Variants in LRTM3 observed in about 807,000 individuals in gnomAD.
LRTM3 encodes leucine-rich repeat transmembrane protein 3.
At chr13:102,753,707 A>C in the LRTM3 span, among the ~76,000 whole-genome samples, 1 of 152,158 alleles carries the variant, frequency 6.6e-6, no homozygotes, top group Non-Finnish European at 1.5e-5. Context: ...GACTGTATAC[A>C]CATCTTTGTT....
chr13:102,757,817 A>G, the LRTM3 span, among the ~76,000 whole-genome samples: 1 of 152,240 alleles, frequency 6.6e-6, no homozygotes, highest in Admixed American at 6.5e-5. Flanking sequence ...CTCCACAAGA[A>G]TATAAGCTTC....
the LRTM3 span, chr13:102,740,941 T>C: frequency 6.5e-7 from 1 of 1,550,108 alleles, no homozygotes. Flanking sequence ...CTTTTCTTCC[T>C]TTAATATTCA....
At chr13:102,738,601 G>A in the LRTM3 span, 1 of 1,549,852 alleles carries the variant, frequency 6.5e-7, no homozygotes, top group Non-Finnish European at 8.7e-7. Flanking sequence ...TAGATTCTAG[G>A]GCCTTTTTTA....
the LRTM3 span, chr13:102,730,516 T>C: frequency 1.3e-6 from 2 of 1,551,704 alleles, no homozygotes; most frequent in Non-Finnish European, 1.7e-6. Flanking sequence ...GTTTGTTTTT[T>C]TCTGGAGTCA....
the LRTM3 span, chr13:102,746,073 C>T: frequency 1.9e-6 from 3 of 1,551,094 alleles, no homozygotes; most frequent in Non-Finnish European, 2.6e-6. Flanking sequence ...GTTTCGTTGG[C>T]TTTTTGTAGT....
chr13:102,740,730 C>G, the LRTM3 span: 6 of 1,548,218 alleles, frequency 3.9e-6, no homozygotes, highest in African/African-American at 2.7e-5. Context: ...TTTGGAAGAG[C>G]CTTGTATGTA....
At chr13:102,756,749 TC>T in the LRTM3 span, among the ~76,000 whole-genome samples, 3 of 148,986 alleles carry the variant, frequency 2.0e-5, no homozygotes, top group African/African-American at 7.4e-5. Context: ...TTTTTTAACT[TC>T]AAAATTTATG....
the LRTM3 span, among the ~76,000 whole-genome samples, chr13:102,752,421 T>C: frequency 6.6e-6 from 1 of 152,122 alleles, no homozygotes; most frequent in South Asian, 2.1e-4. Context: ...AGGCTACACT[T>C]CCCAGTCTGT....
the LRTM3 span, chr13:102,733,349 G>T: frequency 1.9e-6 from 3 of 1,551,200 alleles, no homozygotes; most frequent in Non-Finnish European, 1.7e-6. Context: ...ATCTTCCTTT[G>T]GCTTATCAAA....
chr13:102,736,713 G>T, the LRTM3 span: 1 of 1,550,378 alleles, frequency 6.5e-7, no homozygotes, highest in Non-Finnish European at 8.7e-7. Flanking sequence ...TTTAGTATAT[G>T]GGAAAGGGGT....
At chr13:102,758,708 G>C in the LRTM3 span, 1 of 1,542,354 alleles carries the variant, frequency 6.5e-7, no homozygotes, top group Non-Finnish European at 8.8e-7. Flanking sequence ...TTACCTCCTG[G>C]ACATCTGAAC....
the LRTM3 span, chr13:102,748,004 C>T: frequency 6.4e-7 from 1 of 1,551,022 alleles, no homozygotes; most frequent in East Asian, 2.4e-5. Flanking sequence ...AAATGTACAG[C>T]TCTTATCAAT....
the LRTM3 span, chr13:102,732,153 T>C: frequency 6.4e-7 from 1 of 1,551,400 alleles, no homozygotes; most frequent in South Asian, 1.2e-5. Context: ...GACATTTCAC[T>C]AGTGTTTGGT....
the LRTM3 span, chr13:102,734,715 T>G: frequency 6.4e-7 from 1 of 1,551,242 alleles, no homozygotes; most frequent in Non-Finnish European, 8.7e-7. Flanking sequence ...CTTTTAAGTC[T>G]TAGCATTTCA....
chr13:102,732,013 G>T, the LRTM3 span: 1 of 1,551,278 alleles, frequency 6.4e-7, no homozygotes, highest in East Asian at 2.4e-5. Flanking sequence ...CACTTCTGAG[G>T]TTTGCTTCTG....
At chr13:102,738,390 T>A in the LRTM3 span, 1 of 1,550,842 alleles carries the variant, frequency 6.4e-7, no homozygotes, top group Non-Finnish European at 8.7e-7. Flanking sequence ...GCTTTTTCTC[T>A]CCTTGTATCC....
chr13:102,750,137 T>C, the LRTM3 span: 1 of 1,551,310 alleles, frequency 6.4e-7, no homozygotes, highest in Non-Finnish European at 8.7e-7. Context: ...TATTGTTTCA[T>C]ATTCTCTGTC....
At chr13:102,729,921 G>A in the LRTM3 span, 1 of 1,551,960 alleles carries the variant, frequency 6.4e-7, no homozygotes. Context: ...TTTGCAAGAT[G>A]TGATTTAATA....
At chr13:102,758,292 T>C in the LRTM3 span, 1 of 632,760 alleles carries the variant, frequency 1.6e-6, no homozygotes, top group South Asian at 2.2e-5. Context: ...GATTGAATCA[T>C]GATATTGAAC....
Sources: gnomAD v4.1 joint callset for allele counts (sites outside exome capture counted in the v4.1 genomes callset) on GRCh38, gnomAD v4.1.1 for gene constraint, MANE v1.5 for transcripts, NCBI Gene and HGNC (gene_info 2026-07-23, HGNC 2026-07-21) for gene names.